LHFPL1: variants seen among roughly 807,000 people sequenced by gnomAD.
LHFPL1 encodes the protein LHFPL tetraspan subfamily member 1.
LHFPL1 carries 4 observed loss-of-function variants against 12.1 expected under a neutral mutation model. The ratio of observed to expected loss-of-function variants is 0.33; its 90% CI spans 0.16 to 0.76. The LOEUF is 0.76. Among genes scored for constraint, LHFPL1 ranks in the 30% least tolerant of loss-of-function variants. The probability of loss-of-function intolerance (pLI) is 0.61; values close to 1 mark genes in which losing one functional copy is unlikely to be tolerated. For missense variants in LHFPL1, 141 were observed against 174.1 expected, an observed-to-expected ratio of 0.81 and a Z score of 1.07; for synonymous variants, 52 against 61.9, an observed-to-expected ratio of 0.84 and a Z score of 0.75.
chrX:112,672,533 A>G (rs1931539118), intron 1 of LHFPL1, among the ~76,000 whole-genome samples: 1 of 111,815 alleles, frequency 8.9e-6, no homozygotes, highest in Non-Finnish European at 1.9e-5. Flanking sequence ...CAGCAGGCAG[A>G]TGGTGGAATA....
intron 3 of LHFPL1, among the ~76,000 whole-genome samples, chrX:112,644,354 T>G (rs1234942596): frequency 9.0e-6 from 1 of 111,710 alleles, no homozygotes; most frequent in Non-Finnish European, 1.9e-5. Flanking sequence ...ATTGCTTTAG[T>G]TTTTATTGTA....
chrX:112,636,678 A>G (rs1930349149), intron 3 of LHFPL1, among the ~76,000 whole-genome samples: 1 of 111,848 alleles, frequency 8.9e-6, no homozygotes, highest in Non-Finnish European at 1.9e-5. Context: ...GGGAGTAAGG[A>G]GACAGGATAA....
chrX:112,648,753 T>C (rs1301370530), intron 3 of LHFPL1: 2 of 112,036 alleles, frequency 1.8e-5, no homozygotes, highest in Admixed American at 1.9e-4. Context: ...AAGAAATTTA[T>C]GTATTTATTT....
chrX:112,637,635 A>G (rs1930381757), intron 3 of LHFPL1, among the ~76,000 whole-genome samples: 1 of 112,357 alleles, frequency 8.9e-6, no homozygotes, highest in Non-Finnish European at 1.9e-5. Flanking sequence ...AAGAAAGGGC[A>G]TAAAAAGAGA....
At chrX:112,653,253 C>T (rs971614159) in intron 3 of LHFPL1, among the ~76,000 whole-genome samples, 25 of 111,543 alleles carry the variant, frequency 2.2e-4, no homozygotes, top group Non-Finnish European at 3.8e-4. Flanking sequence ...GTAATGATCA[C>T]AGCACCTAAG....
intron 3 of LHFPL1, among the ~76,000 whole-genome samples, chrX:112,634,337 A>G (rs1930278098): frequency 9.0e-6 from 1 of 111,049 alleles, no homozygotes; most frequent in Non-Finnish European, 1.9e-5. Context: ...TAGTAGACTC[A>G]CCTGAGCTTC....
At chrX:112,677,473 G>A (rs1931683084) in intron 1 of LHFPL1, among the ~76,000 whole-genome samples, 1 of 110,651 alleles carries the variant, frequency 9.0e-6, no homozygotes, top group South Asian at 3.9e-4. Context: ...TGCCAATCCT[G>A]TTACAAATAC....
chrX:112,663,830 C>T (rs1185322759), intron 2 of LHFPL1, among the ~76,000 whole-genome samples: 1 of 112,091 alleles, frequency 8.9e-6, no homozygotes, highest in Non-Finnish European at 1.9e-5. Flanking sequence ...TGTAGTCAGA[C>T]TGCAGAACTA....
intron 2 of LHFPL1, 147 bp downstream of exon 2, chrX:112,670,862 T>A (rs1931475300): frequency 7.6e-6 from 5 of 654,295 alleles, no homozygotes; most frequent in Non-Finnish European, 1.1e-5. Context: ...AGTCCTAGAC[T>A]AAATATTTTA....
intron 2 of LHFPL1, among the ~76,000 whole-genome samples, chrX:112,667,671 G>T (rs2046746780): frequency 8.9e-6 from 1 of 112,059 alleles, no homozygotes. Flanking sequence ...AGGGACTGGG[G>T]GCCAGCTGTT....
intron 3 of LHFPL1, among the ~76,000 whole-genome samples, chrX:112,644,315 C>T (rs770472038): frequency 8.1e-5 from 9 of 111,326 alleles, no homozygotes; most frequent in Non-Finnish European, 1.3e-4. Flanking sequence ...TAAAAAGCTC[C>T]TCTCCTCTAG....
intron 1 of LHFPL1, among the ~76,000 whole-genome samples, chrX:112,672,065 G>A (rs182026542): frequency 3.6e-5 from 4 of 111,766 alleles, no homozygotes; most frequent in African/African-American, 1.3e-4. Context: ...AAAATAAGGA[G>A]TGTCTAGTCT....
chrX:112,638,067 T>C (rs966628467), intron 3 of LHFPL1, among the ~76,000 whole-genome samples: 8 of 111,419 alleles, frequency 7.2e-5, no homozygotes, highest in Non-Finnish European at 1.5e-4. Context: ...AGGGTGTAGA[T>C]TGTATTCCAC....
chrX:112,631,793 G>T, intron 3 of LHFPL1, among the ~76,000 whole-genome samples, 192 bp from the exon 4 acceptor site: 1 of 111,835 alleles, frequency 8.9e-6, no homozygotes. Context: ...TGTGCTGACT[G>T]CTGATCTTTG....
chrX:112,655,724 T>C (rs1930979773), intron 3 of LHFPL1, among the ~76,000 whole-genome samples: 1 of 111,589 alleles, frequency 9.0e-6, no homozygotes, highest in East Asian at 2.8e-4. Context: ...AACATCACCA[T>C]GCCCAGCTAA....
chrX:112,669,055 T>C (rs1422574685), intron 2 of LHFPL1, among the ~76,000 whole-genome samples: 2 of 112,618 alleles, frequency 1.8e-5, no homozygotes, highest in Non-Finnish European at 3.7e-5. Context: ...GAGGAAAGGA[T>C]GTGAACTAAT....
intron 3 of LHFPL1, among the ~76,000 whole-genome samples, chrX:112,658,405 A>G (rs1261829190): frequency 5.7e-5 from 6 of 105,786 alleles, no homozygotes; most frequent in Non-Finnish European, 1.2e-4. Context: ...AGCCTGAGTG[A>G]CAAAGTGTTA....
At chrX:112,674,091 A>G (rs1281194808) in intron 1 of LHFPL1, among the ~76,000 whole-genome samples, 1 of 112,013 alleles carries the variant, frequency 8.9e-6, no homozygotes, top group African/African-American at 3.3e-5. Context: ...CACTGGTATA[A>G]AAATAGGCGC....
chrX:112,661,903 T>C (rs1386253966), intron 2 of LHFPL1: 3 of 112,216 alleles, frequency 2.7e-5, no homozygotes, highest in Middle Eastern at 4.6e-3. Context: ...TTCAAAGTTA[T>C]GAGTGAGTAT....
Sources: allele counts gnomAD v4.1 joint callset (sites outside exome capture counted in the v4.1 genomes callset), GRCh38; gene constraint gnomAD v4.1.1; transcripts MANE v1.5; gene names NCBI Gene and HGNC (gene_info 2026-07-23, HGNC 2026-07-21).